The following FHIP1A variants were observed in gnomAD, a reference collection of about 807,000 sequenced individuals.
The protein encoded by FHIP1A is FHF complex subunit HOOK-interacting protein 1A.
A neutral mutation model predicts 88.6 loss-of-function variants in FHIP1A; 61 were observed. The observed-to-expected ratio is 0.69, with a 90% confidence interval of 0.56 to 0.85. The LOEUF (loss-of-function observed/expected upper bound fraction) is 0.85, where lower values mean the gene tolerates loss of function less well. FHIP1A is among the 40% of genes least tolerant of loss of function. FHIP1A has a pLI of 0.00. For missense variants in FHIP1A, 1,154 were observed against 1,273.5 expected (o/e 0.91, Z 1.43); for synonymous variants, 478 against 496.0 (o/e 0.96, Z 0.48).
intron 1 of FHIP1A, among the ~76,000 whole-genome samples, chr4:151,426,594 C>T (rs1373490189): frequency 2.0e-5 from 3 of 152,142 alleles, no homozygotes; most frequent in Non-Finnish European, 4.4e-5. Context: ...TTTGAAGACT[C>T]ATTGGCAAAG....
chr4:151,574,563 C>T (rs1733712157), intron 4 of FHIP1A, among the ~76,000 whole-genome samples: 1 of 151,736 alleles, frequency 6.6e-6, no homozygotes, highest in Non-Finnish European at 1.5e-5. Context: ...ATTTATATTG[C>T]TTAGAAATTG....
At chr4:151,503,107 A>G (rs1730709760) in intron 3 of FHIP1A, among the ~76,000 whole-genome samples, 1 of 152,232 alleles carries the variant, frequency 6.6e-6, no homozygotes, top group Admixed American at 6.5e-5. Flanking sequence ...TCTAATTAAC[A>G]AGAGAGAGGT....
intron 3 of FHIP1A, among the ~76,000 whole-genome samples, chr4:151,486,997 G>C (rs1378892200): frequency 6.6e-6 from 1 of 151,134 alleles, no homozygotes; most frequent in Non-Finnish European, 1.5e-5. Context: ...ATATTTTCTT[G>C]CTTACTATAT....
intron 3 of FHIP1A, among the ~76,000 whole-genome samples, chr4:151,487,173 C>T (rs1730117639): frequency 1.3e-5 from 2 of 151,956 alleles, no homozygotes; most frequent in Admixed American, 6.6e-5. Context: ...TTTGTCCCTG[C>T]CCTGTATTTC....
chr4:151,487,754 A>G (rs1732735764), intron 3 of FHIP1A, among the ~76,000 whole-genome samples: 2 of 152,250 alleles, frequency 1.3e-5, no homozygotes, highest in Non-Finnish European at 2.9e-5. Context: ...CTCATCGTAC[A>G]AATAAGGAAA....
intron 9 of FHIP1A, among the ~76,000 whole-genome samples, chr4:151,646,292 G>T (rs979094979): frequency 2.0e-5 from 3 of 152,192 alleles, no homozygotes; most frequent in African/African-American, 7.2e-5. Context: ...ACAAAGGCAT[G>T]GAGTTTGAAG....
At chr4:151,512,188 G>A (rs1459088603) in intron 3 of FHIP1A, among the ~76,000 whole-genome samples, 1 of 152,210 alleles carries the variant, frequency 6.6e-6, no homozygotes, top group Non-Finnish European at 1.5e-5. Context: ...GGTCTGGAGT[G>A]GACCTCTAGC....
intron 3 of FHIP1A, among the ~76,000 whole-genome samples, chr4:151,547,365 A>G (rs969161407): frequency 6.6e-6 from 1 of 152,250 alleles, no homozygotes; most frequent in East Asian, 1.9e-4. Flanking sequence ...GGCTTAAGCT[A>G]TAAGATCATC....
chr4:151,587,646 T>G (rs1446013791), intron 6 of FHIP1A, among the ~76,000 whole-genome samples: 2 of 152,140 alleles, frequency 1.3e-5, no homozygotes, highest in Non-Finnish European at 2.9e-5. Context: ...TAGGTATATC[T>G]CCTAAGAAAT....
At chr4:151,637,377 T>C (rs923864607) in intron 8 of FHIP1A, among the ~76,000 whole-genome samples, 18 of 152,112 alleles carry the variant, frequency 1.2e-4, no homozygotes, top group African/African-American at 4.3e-4. Context: ...GAAAAGACAA[T>C]TCACAGAATG....
At chr4:151,570,239 G>A (rs1046073205) in intron 4 of FHIP1A, among the ~76,000 whole-genome samples, 3 of 152,122 alleles carry the variant, frequency 2.0e-5, no homozygotes, top group Non-Finnish European at 4.4e-5. Context: ...CGTCCATCAT[G>A]CTGTTTCATC....
intron 7 of FHIP1A, among the ~76,000 whole-genome samples, chr4:151,620,584 T>C (rs1265029627): frequency 6.6e-6 from 1 of 152,146 alleles, no homozygotes; most frequent in Non-Finnish European, 1.5e-5. Context: ...GTATGCATTG[T>C]CTTATCACAA....
chr4:151,621,588 G>A (rs923747376), intron 7 of FHIP1A, among the ~76,000 whole-genome samples: 1 of 150,052 alleles, frequency 6.7e-6, no homozygotes, highest in Non-Finnish European at 1.5e-5. Flanking sequence ...GAGTTGGGGG[G>A]GTTGCGTGGA....
chr4:151,487,529 A>G (rs1459641316), intron 3 of FHIP1A, among the ~76,000 whole-genome samples: 1 of 152,208 alleles, frequency 6.6e-6, no homozygotes, highest in Non-Finnish European at 1.5e-5. Flanking sequence ...TCCCACAGTC[A>G]GGTCAGGTTA....
intron 8 of FHIP1A, among the ~76,000 whole-genome samples, chr4:151,630,434 G>C (rs1736112908): frequency 6.6e-6 from 1 of 152,136 alleles, no homozygotes; most frequent in Non-Finnish European, 1.5e-5. Flanking sequence ...ATATCATTCG[G>C]TTTGCAACAT....
At chr4:151,418,424 G>A (rs1408980082) in intron 1 of FHIP1A, among the ~76,000 whole-genome samples, 1 of 152,162 alleles carries the variant, frequency 6.6e-6, no homozygotes, top group Non-Finnish European at 1.5e-5. Context: ...GTAAGAACCA[G>A]CTTGCAACAA....
intron 8 of FHIP1A, among the ~76,000 whole-genome samples, chr4:151,638,315 T>TGTGTGTGTGTGTGTG (rs1736435392): frequency 7.0e-6 from 1 of 143,730 alleles, no homozygotes; most frequent in Non-Finnish European, 1.5e-5. Context: ...AAATAGGAGA[T>TGTGTGTGTGTGTGTG]TGTGTGTGTG....
intron 7 of FHIP1A, among the ~76,000 whole-genome samples, chr4:151,596,742 A>C (rs1734664516): frequency 6.6e-6 from 1 of 151,768 alleles, no homozygotes; most frequent in Admixed American, 6.6e-5. Context: ...TTTTTTCTCT[A>C]ATCTTGTCTT....
chr4:151,577,646 T>C lies in FHIP1A; in HGVS notation c.302T>C (p.Leu101Pro). 1 of 1,551,688 alleles carries C rather than the reference T, an allele frequency of 6.4e-7. No individual in the cohort carries two copies. The highest frequency in any genetic ancestry group is 8.7e-7 in the Non-Finnish European group (1 of 1,146,930). The part of the protein sequence containing the change: ...FVVSENIMEK[L>P]FLWSLRREFT... ...GTCTCTGAGAACATCATGGAGAAAC[T>C]TTTCCTTTGGAGCTTGAGAAGGGAG... is the stretch of plus-strand genomic sequence containing the variant. Residue 101 changes from leucine (L) to proline (P), a missense_variant, in exon 5 of 14, where the codon CTT becomes CCT. Coordinates refer to ENST00000435205, the MANE Select transcript of FHIP1A (RefSeq NM_001109977.3).
Sources: gnomAD v4.1 joint callset for allele counts (sites outside exome capture counted in the v4.1 genomes callset) on GRCh38, gnomAD v4.1.1 for gene constraint, MANE v1.5 for transcripts, NCBI Gene and HGNC (gene_info 2026-07-23, HGNC 2026-07-21) for gene names.